The following DRD3 variants were observed in gnomAD, a reference collection of about 807,000 sequenced individuals.
DRD3 encodes the protein D(3) dopamine receptor.
In DRD3, 19 loss-of-function variants were observed where a neutral mutation model predicts 36.3. That is an observed-to-expected ratio of 0.52 (90% confidence interval 0.36 to 0.77). The LOEUF (loss-of-function observed/expected upper bound fraction) is 0.77. Among genes scored for constraint, DRD3 ranks in the 30% least tolerant of loss-of-function variants. DRD3 has a pLI of 0.00. For missense variants in DRD3, 465 were observed against 505.3 expected, an observed-to-expected ratio of 0.92 and a Z score of 0.77; for synonymous variants, 195 against 203.7, an observed-to-expected ratio of 0.96 and a Z score of 0.36.
intron 4 of DRD3, 55 bp from the exon 5 acceptor site, chr3:114,139,751 G>A: frequency 1.3e-6 from 2 of 1,561,636 alleles, no homozygotes; most frequent in South Asian, 1.2e-5. Flanking sequence ...AACTCAGTAA[G>A]GAGCATAAAA....
chr3:114,161,535 G>A (rs1231116712), intron 2 of DRD3, among the ~76,000 whole-genome samples: 3 of 152,038 alleles, frequency 2.0e-5, no homozygotes, highest in Non-Finnish European at 2.9e-5. Context: ...AGACTGTTTT[G>A]AGAAACCCTG....
intron 3 of DRD3, among the ~76,000 whole-genome samples, chr3:114,150,639 G>A (rs545323280): frequency 6.6e-6 from 1 of 152,294 alleles, no homozygotes; most frequent in South Asian, 2.1e-4. Context: ...GGGATCTAAG[G>A]TATAAGCTGG....
chr3:114,168,132 T>C (rs956923134), intron 2 of DRD3, among the ~76,000 whole-genome samples: 2 of 152,234 alleles, frequency 1.3e-5, no homozygotes, highest in Non-Finnish European at 2.9e-5. Context: ...TTTAAACTTA[T>C]AATTAAAAGT....
intron 2 of DRD3, among the ~76,000 whole-genome samples, chr3:114,167,248 T>A (rs182742181): frequency 4.1e-4 from 62 of 152,320 alleles, no homozygotes; most frequent in Admixed American, 2.9e-3. Context: ...GTATTCCAAA[T>A]GTTCCCCTGG....
At chr3:114,159,584 G>A (rs371687884) in intron 3 of DRD3, among the ~76,000 whole-genome samples, 171 bp downstream of exon 3, 33 of 152,086 alleles carry the variant, frequency 2.2e-4, no homozygotes, top group African/African-American at 6.5e-4. Flanking sequence ...CCCACCTGTC[G>A]CAGGGGTTTC....
At chr3:114,135,013 T>C in intron 5 of DRD3, among the ~76,000 whole-genome samples, 1 of 152,172 alleles carries the variant, frequency 6.6e-6, no homozygotes. Flanking sequence ...TATTAGACAC[T>C]AGAACTTGTT....
At chr3:114,135,743 G>A (rs1218125834) in intron 5 of DRD3, among the ~76,000 whole-genome samples, 1 of 152,098 alleles carries the variant, frequency 6.6e-6, no homozygotes, top group East Asian at 1.9e-4. Context: ...AGGCTGGAGT[G>A]TAGTGGTGAA....
chr3:114,139,439 A>C, intron 5 of DRD3, 61 bp downstream of exon 5: 2 of 1,533,286 alleles, frequency 1.3e-6, no homozygotes, highest in South Asian at 2.5e-5. Context: ...ACTGCTGGAC[A>C]CAGGCTGGGA....
At chr3:114,166,870 C>A (rs1157309940) in intron 2 of DRD3, among the ~76,000 whole-genome samples, 1 of 152,176 alleles carries the variant, frequency 6.6e-6, no homozygotes, top group Non-Finnish European at 1.5e-5. Context: ...CAAGCCCTTC[C>A]AGCTTTAATA....
chr3:114,132,613 T>C (rs1299806172), intron 5 of DRD3, among the ~76,000 whole-genome samples: 1 of 150,268 alleles, frequency 6.7e-6, no homozygotes, highest in Non-Finnish European at 1.5e-5. Context: ...GAACATTTGA[T>C]AATCACAACA....
chr3:114,144,806 CAG>C (rs2077556568), intron 4 of DRD3, among the ~76,000 whole-genome samples: 1 of 152,064 alleles, frequency 6.6e-6, no homozygotes, highest in Non-Finnish European at 1.5e-5. Flanking sequence ...ATGTAAAAGA[CAG>C]AGCGATTGTG....
intron 5 of DRD3, among the ~76,000 whole-genome samples, chr3:114,132,283 A>G (rs1030413408): frequency 6.6e-6 from 1 of 152,196 alleles, no homozygotes; most frequent in Non-Finnish European, 1.5e-5. Context: ...GGAAACCATC[A>G]TCCTCAGCAA....
chr3:114,183,450 T>C (rs1266801914), upstream of DRD3, among the ~76,000 whole-genome samples: 1 of 152,178 alleles, frequency 6.6e-6, no homozygotes, highest in Non-Finnish European at 1.5e-5. Flanking sequence ...GTGGGTTTAT[T>C]GTGTTGTTTA....
intron 3 of DRD3, among the ~76,000 whole-genome samples, chr3:114,152,501 T>C (rs1368672780): frequency 6.6e-6 from 1 of 152,356 alleles, no homozygotes; most frequent in Non-Finnish European, 1.5e-5. Context: ...TACAGTAATT[T>C]TTTTCTTGCT....
intron 2 of DRD3, among the ~76,000 whole-genome samples, chr3:114,167,743 C>G (rs897663901): frequency 6.6e-6 from 1 of 152,250 alleles, no homozygotes; most frequent in Non-Finnish European, 1.5e-5. Flanking sequence ...CACTGTGAAT[C>G]TATGAGATCG....
Position 114,178,945 on chromosome 3 carries a change from T to C in DRD3, c.-324A>G, listed in dbSNP as rs953938637. Reference sequence around the variant, plus strand: ...GAGGGACCCTAAACTGAGCGTTGCTTGGGTCAGCCGCTCAGAGGTTCTGTC... The same window carrying C: ...GAGGGACCCTAAACTGAGCGTTGCTCGGGTCAGCCGCTCAGAGGTTCTGTC... On this transcript the variant is annotated 5_prime_UTR_variant, in exon 1 of 7. Coordinates refer to ENST00000383673, the MANE Select transcript of DRD3 (RefSeq NM_000796.6). 2.0e-5 allele frequency: 3 copies of C among 152,184 alleles called. No individual in the cohort carries two copies. The highest frequency in any genetic ancestry group is 4.4e-5 in the Non-Finnish European group (3 of 68,038). The allele number at this position is 152,184 out of a possible 1,614,324, so 9.4% of individuals were successfully genotyped here.
intron 4 of DRD3, among the ~76,000 whole-genome samples, chr3:114,143,032 T>G (rs1478664491): frequency 6.6e-6 from 1 of 152,196 alleles, no homozygotes; most frequent in African/African-American, 2.4e-5. Context: ...CAGCAGCAGT[T>G]CTGAAACCTT....
intron 3 of DRD3, among the ~76,000 whole-genome samples, chr3:114,147,909 G>T (rs1223570448): frequency 6.6e-6 from 1 of 152,214 alleles, no homozygotes; most frequent in Non-Finnish European, 1.5e-5. Context: ...AAAGTGTTGG[G>T]ATTACAGGCG....
At chr3:114,162,176 T>C (rs1299187184) in intron 2 of DRD3, among the ~76,000 whole-genome samples, 1 of 152,230 alleles carries the variant, frequency 6.6e-6, no homozygotes, top group Non-Finnish European at 1.5e-5. Flanking sequence ...CATTCATCAA[T>C]AAAATACTAG....
Sources: gnomAD v4.1 joint callset for allele counts (sites outside exome capture counted in the v4.1 genomes callset) on GRCh38, gnomAD v4.1.1 for gene constraint, MANE v1.5 for transcripts, NCBI Gene and HGNC (gene_info 2026-07-23, HGNC 2026-07-21) for gene names.